LRRFIP2: variants seen among roughly 807,000 people sequenced by gnomAD.
LRRFIP2 encodes the protein LRR binding FLII interacting protein 2, also known as leucine-rich repeat flightless-interacting protein 2.
A neutral mutation model predicts 125.9 loss-of-function variants in LRRFIP2; 109 were observed. That is an observed-to-expected ratio of 0.87 (90% confidence interval 0.74 to 1.01). The LOEUF (loss-of-function observed/expected upper bound fraction) is 1.01, where lower values mean the gene tolerates loss of function less well. Ranked by LOEUF, LRRFIP2 falls within the 50% of genes least tolerant of loss-of-function variation. The pLI is 0.00. For missense variants in LRRFIP2, 850 were observed against 862.3 expected (o/e 0.99, Z 0.18); for synonymous variants, 291 against 293.1 (o/e 0.99, Z 0.07).
At chr3:37,139,437 T>C (rs2095636233) in intron 2 of LRRFIP2, among the ~76,000 whole-genome samples, 1 of 152,238 alleles carries the variant, frequency 6.6e-6, no homozygotes, top group Admixed American at 6.5e-5. Context: ...CTTCTTTCAT[T>C]ATTCCAGTTC....
At chr3:37,080,456 G>T (rs1394701445) in intron 19 of LRRFIP2, among the ~76,000 whole-genome samples, 1 of 151,324 alleles carries the variant, frequency 6.6e-6, no homozygotes, top group African/African-American at 2.4e-5. Flanking sequence ...AAAATAAATT[G>T]GTAATGATAA....
At chr3:37,091,567 T>C in intron 17 of LRRFIP2, 29 bp from the exon 18 acceptor site, 2 of 1,498,064 alleles carry the variant, frequency 1.3e-6, no homozygotes, top group Non-Finnish European at 1.8e-6. Context: ...AACCATTGCA[T>C]AAAACCATGC....
Position 37,055,170 on chromosome 3 carries a change from A to G in LRRFIP2, c.1871-5T>C, listed in dbSNP as rs755447789. 1.9e-6 allele frequency: 3 copies of G among 1,561,866 alleles called. No individual in the cohort carries two copies. The Admixed American group carries it at 6.0e-5, about 31-fold the overall frequency. On this transcript the variant is annotated splice_polypyrimidine_tract_variant and splice_region_variant and intron_variant, in intron 25 of 27. Coordinates refer to ENST00000336686, the MANE Select transcript of LRRFIP2 (RefSeq NM_006309.4). ...TAATTTGTCTATTGGCATCTCCTAG[A>G]ACAGAAGAAGACAATGAATTATCTT...
chr3:37,142,706 TG>T (rs956386480), intron 2 of LRRFIP2, among the ~76,000 whole-genome samples: 17 of 152,288 alleles, frequency 1.1e-4, no homozygotes, highest in African/African-American at 4.1e-4. Context: ...TATTCCAATC[TG>T]CAAGTTACAC....
At chr3:37,108,805 TC>T in intron 11 of LRRFIP2, 121 bp from the exon 12 acceptor site, 1 of 672,618 alleles carries the variant, frequency 1.5e-6, no homozygotes, top group African/African-American at 1.9e-5. Flanking sequence ...GTGTATAGCC[TC>T]CCAGAATGAA....
rs202200129 is a variant in LRRFIP2, at chr3:37,129,048, A to G, written c.177+15T>C. 4.3e-4 allele frequency: 670 copies of G among 1,545,568 alleles called. 5 individuals are homozygous for G. Among genetic ancestry groups the G allele is most frequent in the Middle Eastern group, 2.4e-3 (14 of 5,932 alleles). The stretch of plus-strand genomic sequence containing the variant: ...GGGAGACAAATATGAAATTAGGGTT[A>G]TTCCCTCAAATTACCTCTTTTTGTT... On this transcript the variant is annotated intron_variant, in intron 3 of 27. Transcript: ENST00000336686.
At chr3:37,131,544 A>G (rs770716605) in intron 2 of LRRFIP2, among the ~76,000 whole-genome samples, 4 of 152,238 alleles carry the variant, frequency 2.6e-5, no homozygotes, top group Admixed American at 6.5e-5. Flanking sequence ...TCTGCTTTCT[A>G]TATGGTAGTG....
At chr3:37,095,208 G>A (rs953343590) in intron 16 of LRRFIP2, among the ~76,000 whole-genome samples, 4 of 152,186 alleles carry the variant, frequency 2.6e-5, no homozygotes, top group South Asian at 2.1e-4. Flanking sequence ...TTGCTATCCT[G>A]TAAACAATAC....
chr3:37,154,965 A>G (rs953675607), intron 1 of LRRFIP2, among the ~76,000 whole-genome samples: 3 of 152,224 alleles, frequency 2.0e-5, no homozygotes, highest in Non-Finnish European at 4.4e-5. Context: ...CATTACAGTG[A>G]ACGCTAGTCT....
intron 6 of LRRFIP2, among the ~76,000 whole-genome samples, chr3:37,117,095 C>T (rs1296327): frequency 5.4e-5 from 8 of 147,234 alleles, no homozygotes; most frequent in Admixed American, 1.4e-4. Flanking sequence ...ATAGAAATTT[C>T]TAAATTAAAA....
chr3:37,068,880 A>T (rs904135246), intron 21 of LRRFIP2: 1 of 152,204 alleles, frequency 6.6e-6, no homozygotes, highest in African/African-American at 2.4e-5. Flanking sequence ...TATTCTATAC[A>T]TGGGCTCCTG....
At chr3:37,174,834 A>G (rs888998471), upstream of LRRFIP2, 1 of 152,224 alleles carries the variant, frequency 6.6e-6, no homozygotes, top group Non-Finnish European at 1.5e-5. Context: ...GGTTTCCTCT[A>G]TTTCAATTTT....
chr3:37,111,009 G>A lies in LRRFIP2; in HGVS notation c.495C>T (p.Thr165=), dbSNP rs746912648. 5.0e-6 allele frequency: 8 copies of A among 1,613,800 alleles called. No homozygotes were observed. The highest frequency in any genetic ancestry group is 5.9e-6 in the Non-Finnish European group (7 of 1,179,840). The stretch of plus-strand genomic sequence containing the variant: ...GACAAACCCGAGTGTAGTAGGCAGA[G>A]GTGGGTTTGCTATGTCTAAGACTGC... ...NYSSLRHSKP[T]SAYYTRQSSS... Residue 165 remains threonine (T), a synonymous_variant, in exon 9 of 28, where the codon ACC becomes ACT. Transcript: ENST00000336686.
At chr3:37,167,212 A>G (rs1460146630) in intron 1 of LRRFIP2, among the ~76,000 whole-genome samples, 3 of 139,640 alleles carry the variant, frequency 2.1e-5, no homozygotes, top group Admixed American at 1.4e-4. Context: ...AAAAAAAAAA[A>G]AGAAAGAAAG....
intron 24 of LRRFIP2, among the ~76,000 whole-genome samples, chr3:37,061,009 G>A (rs2088494626): frequency 6.6e-6 from 1 of 152,130 alleles, no homozygotes; most frequent in African/African-American, 2.4e-5. Context: ...TGGGTCATGG[G>A]GCAGATCCCT....
Position 37,053,834 on chromosome 3 carries a change from G to C in LRRFIP2, c.*17C>G. 6.4e-7 allele frequency: 1 copy of C among 1,564,262 alleles called. No individual in the cohort carries two copies. The highest frequency in any genetic ancestry group is 8.8e-7 in the Non-Finnish European group (1 of 1,134,508). On this transcript the variant is annotated 3_prime_UTR_variant, in exon 28 of 28. Transcript: ENST00000336686. ...TAGGGCCCCAAGGAGCATCACCCAG[G>C]TTGAAGGGTGGTTTTCCTACTGCTG...
At chr3:37,162,272 G>A (rs1442980190) in intron 1 of LRRFIP2, among the ~76,000 whole-genome samples, 2 of 151,880 alleles carry the variant, frequency 1.3e-5, no homozygotes, top group Non-Finnish European at 2.9e-5. Flanking sequence ...GGCCCAGAGT[G>A]TTCAACACAA....
intron 23 of LRRFIP2, chr3:37,064,686 TC>T (rs1392867411): frequency 6.6e-6 from 1 of 151,974 alleles, no homozygotes; most frequent in Non-Finnish European, 1.5e-5. Context: ...GTTTGACTCT[TC>T]CCAAGCCTGC....
At chr3:37,112,411 A>C (rs576742868) in intron 8 of LRRFIP2, among the ~76,000 whole-genome samples, 1 of 152,292 alleles carries the variant, frequency 6.6e-6, no homozygotes, top group East Asian at 1.9e-4. Flanking sequence ...ACTAGAATAA[A>C]GAGTATATTA....
Sources: gnomAD v4.1 joint callset for allele counts (sites outside exome capture counted in the v4.1 genomes callset) on GRCh38, gnomAD v4.1.1 for gene constraint, MANE v1.5 for transcripts, NCBI Gene and HGNC (gene_info 2026-07-23, HGNC 2026-07-21) for gene names.